DPH6: variants seen among roughly 807,000 people sequenced by gnomAD.
The protein encoded by DPH6 is diphthine--ammonia ligase.
DPH6 carries 33 observed loss-of-function variants against 38.2 expected under a neutral mutation model. The ratio of observed to expected loss-of-function variants is 0.86; its 90% CI spans 0.65 to 1.15. The LOEUF (loss-of-function observed/expected upper bound fraction) is 1.15, where lower values mean the gene tolerates loss of function less well. DPH6 is among the 50% of genes most tolerant of loss of function. DPH6 has a pLI of 0.00. For synonymous variants in DPH6, 108 were observed against 103.0 expected (o/e 1.05, Z -0.30); for missense variants, 325 against 320.0 (o/e 1.02, Z -0.12).
intron 3 of DPH6, among the ~76,000 whole-genome samples, chr15:35,268,324 A>G (rs1490711127): frequency 1.3e-5 from 2 of 152,042 alleles, no homozygotes; most frequent in Non-Finnish European, 2.9e-5. Context: ...AGCTAGATAG[A>G]ACAGACAGGC....
At chr15:35,159,983 A>C in the DPH6 span, among the ~76,000 whole-genome samples, 1 of 152,050 alleles carries the variant, frequency 6.6e-6, no homozygotes, top group Non-Finnish European at 1.5e-5. Flanking sequence ...CTCACTTATA[A>C]GGAGCTAAAC....
intron 3 of DPH6, among the ~76,000 whole-genome samples, chr15:35,512,077 T>C (rs1295668284): frequency 5.3e-5 from 8 of 152,198 alleles, no homozygotes; most frequent in African/African-American, 1.7e-4. Context: ...ATAAAGTATT[T>C]TCTATGGGAT....
intron 3 of DPH6, chr15:35,490,320 C>CTATA (rs2054459942): frequency 3.2e-6 from 1 of 312,556 alleles, no homozygotes; most frequent in South Asian, 1.3e-4. Flanking sequence ...AATACATGAA[C>CTATA]TATACTCCAC....
chr15:35,349,551 C>A (rs572794014), intron 3 of DPH6, among the ~76,000 whole-genome samples: 1 of 152,092 alleles, frequency 6.6e-6, no homozygotes, highest in African/African-American at 2.4e-5. Flanking sequence ...ATTCTTGTGC[C>A]TCAGCCACTG....
chr15:35,422,691 C>T (rs2053520920), intron 5 of DPH6, among the ~76,000 whole-genome samples: 2 of 151,854 alleles, frequency 1.3e-5, no homozygotes, highest in South Asian at 4.1e-4. Context: ...GCATAACTAA[C>T]TCTGTACCCC....
the DPH6 span, among the ~76,000 whole-genome samples, chr15:35,202,514 G>GC: frequency 6.6e-6 from 1 of 151,738 alleles, no homozygotes; most frequent in Non-Finnish European, 1.5e-5. Context: ...GGAGAAGCCT[G>GC]CAACTGTATT....
chr15:35,419,658 TAGAC>T lies in DPH6; in HGVS notation c.506-8766_506-8763del, dbSNP rs1307934966. 3.9e-5 allele frequency among the ~76,000 whole-genome samples: 6 copies of T among 152,202 alleles called. No individual in the cohort carries two copies. The South Asian group carries it at 8.3e-4, about 21-fold the overall frequency. ...AGAGCAAAGATAGCTATACTAACCT[TAGAC>T]AGAATAGGTTTTAGGTCGAAAACTG... On this transcript the variant is annotated intron_variant, in intron 5 of 8. Coordinates refer to ENST00000256538, the MANE Select transcript of DPH6 (RefSeq NM_080650.4).
the DPH6 span, among the ~76,000 whole-genome samples, chr15:35,163,770 C>CAA: frequency 6.6e-6 from 1 of 151,810 alleles, no homozygotes; most frequent in Non-Finnish European, 1.5e-5. Context: ...GACAAATGCT[C>CAA]AGAGCAACAA....
At chr15:35,385,726 C>A (rs902526265) in intron 6 of DPH6, among the ~76,000 whole-genome samples, 8 of 152,056 alleles carry the variant, frequency 5.3e-5, no homozygotes, top group Admixed American at 4.6e-4. Context: ...AACAAACCTG[C>A]ACATTCTGCA....
chr15:35,363,466 G>C (rs576991004), intron 3 of DPH6, among the ~76,000 whole-genome samples: 1 of 152,020 alleles, frequency 6.6e-6, no homozygotes, highest in African/African-American at 2.4e-5. Context: ...GCTTTTGCAT[G>C]GCACATGTTT....
chr15:35,445,485 A>AT (rs140351669), intron 5 of DPH6, among the ~76,000 whole-genome samples: 11 of 150,644 alleles, frequency 7.3e-5, no homozygotes, highest in South Asian at 4.2e-4. Context: ...TTATATATGG[A>AT]TTTTTTTTTC....
At chr15:35,307,650 G>A (rs978951590) in intron 3 of DPH6, among the ~76,000 whole-genome samples, 1 of 151,946 alleles carries the variant, frequency 6.6e-6, no homozygotes, top group Non-Finnish European at 1.5e-5. Context: ...TTATTTTTAG[G>A]TATTGTAGTA....
At chr15:35,490,869 A>C (rs60508965) in intron 3 of DPH6, among the ~76,000 whole-genome samples, 11,985 of 152,156 alleles carry the variant, frequency 0.079, 638 homozygotes, top group African/African-American at 0.14. Flanking sequence ...ATTCAGCTCA[A>C]GGTTCTGGAG....
intron 3 of DPH6, among the ~76,000 whole-genome samples, chr15:35,358,712 T>C (rs1196114120): frequency 2.0e-5 from 3 of 152,328 alleles, no homozygotes; most frequent in African/African-American, 7.2e-5. Flanking sequence ...GGGGGTTGTC[T>C]GCACTGAGTC....
At chr15:35,497,055 T>C (rs959488798) in intron 3 of DPH6, among the ~76,000 whole-genome samples, 5 of 152,182 alleles carry the variant, frequency 3.3e-5, no homozygotes, top group African/African-American at 1.2e-4. Context: ...CCTGTACTTT[T>C]CCTTTAGAGC....
At chr15:35,366,678 C>A (rs932013749), downstream of DPH6, among the ~76,000 whole-genome samples, 5 of 151,876 alleles carry the variant, frequency 3.3e-5, no homozygotes, top group Admixed American at 3.3e-4. Flanking sequence ...TATAAGCTCC[C>A]GGCCTCCACC....
intron 3 of DPH6, among the ~76,000 whole-genome samples, chr15:35,238,596 C>T (rs1189386929): frequency 6.6e-6 from 1 of 152,222 alleles, no homozygotes; most frequent in Admixed American, 6.5e-5. Flanking sequence ...TGGGAAAAGA[C>T]TATGTTGCCT....
chr15:35,209,595 A>G, the DPH6 span, among the ~76,000 whole-genome samples: 1 of 152,218 alleles, frequency 6.6e-6, no homozygotes, highest in African/African-American at 2.4e-5. Flanking sequence ...CCTCACCAGA[A>G]AGTATAATGT....
chr15:35,486,927 GGA>G (rs1555405659), intron 3 of DPH6, among the ~76,000 whole-genome samples: 1 of 152,086 alleles, frequency 6.6e-6, no homozygotes, highest in Non-Finnish European at 1.5e-5. Flanking sequence ...GCTCCCATTC[GGA>G]ATGGGAGAAA....
Sources: gnomAD v4.1 joint callset for allele counts (sites outside exome capture counted in the v4.1 genomes callset) on GRCh38, gnomAD v4.1.1 for gene constraint, MANE v1.5 for transcripts, NCBI Gene and HGNC (gene_info 2026-07-23, HGNC 2026-07-21) for gene names.